The following EGFLAM variants were observed in gnomAD, a reference collection of about 807,000 sequenced individuals.
EGFLAM encodes EGF like, fibronectin type III and laminin G domains.
A neutral mutation model predicts 113.1 loss-of-function variants in EGFLAM; 79 were observed. That is an observed-to-expected ratio of 0.70 (90% confidence interval 0.58 to 0.84). EGFLAM has a LOEUF of 0.84. EGFLAM is among the 40% of genes least tolerant of loss of function. The pLI is 0.00. For missense variants in EGFLAM, 1,265 were observed against 1,291.6 expected (o/e 0.98, Z 0.32); for synonymous variants, 504 against 487.6 (o/e 1.03, Z -0.44).
In EGFLAM at chr5:38,438,406, C is replaced by T. The variant is rs759065244; in HGVS notation, c.2415C>T (p.Gly805=). 15 of 1,613,866 alleles carry T rather than the reference C, an allele frequency of 9.3e-6. No homozygotes were observed. Among genetic ancestry groups the T allele is most frequent in the Non-Finnish European group, 1.3e-5 (15 of 1,179,888 alleles). ...HGGSCRPRKE[G]YDCDCPLGFE... ...GCAGCTGCCGGCCCAGGAAGGAGGG[C>T]TATGACTGTGACTGCCCCTTGGGCT... Residue 805 remains glycine (G), a synonymous_variant, in exon 17 of 22, where the codon GGC becomes GGT. Transcript: ENST00000322350.
chr5:38,456,676 T>G (rs1743097978), intron 19 of EGFLAM, among the ~76,000 whole-genome samples: 1 of 152,244 alleles, frequency 6.6e-6, no homozygotes, highest in African/African-American at 2.4e-5. Flanking sequence ...TATGGTGCTT[T>G]CTCTGGAGAA....
chr5:38,375,985 G>C (rs894144828), intron 6 of EGFLAM, among the ~76,000 whole-genome samples: 1 of 152,136 alleles, frequency 6.6e-6, no homozygotes, highest in African/African-American at 2.4e-5. Context: ...ATCAGCACCT[G>C]TTTTGTTTCC....
At chr5:38,356,316 T>A (rs576150093) in intron 5 of EGFLAM, among the ~76,000 whole-genome samples, 3 of 152,336 alleles carry the variant, frequency 2.0e-5, no homozygotes, top group South Asian at 2.1e-4. Flanking sequence ...TCAGAACCCC[T>A]ATTTCCTCTT....
At chr5:38,366,116 C>T (rs1740052711) in intron 5 of EGFLAM, among the ~76,000 whole-genome samples, 1 of 152,156 alleles carries the variant, frequency 6.6e-6, no homozygotes, top group African/African-American at 2.4e-5. Flanking sequence ...CCACCCTATC[C>T]TCACTAAGTT....
intron 3 of EGFLAM, among the ~76,000 whole-genome samples, chr5:38,344,124 A>C (rs1739415287): frequency 6.6e-6 from 1 of 152,266 alleles, no homozygotes; most frequent in Non-Finnish European, 1.5e-5. Context: ...GTCTGAAATC[A>C]GAGTCAGAGA....
chr5:38,298,102 G>A (rs10054011), intron 1 of EGFLAM, among the ~76,000 whole-genome samples: 6,115 of 152,230 alleles, frequency 0.04, 426 homozygotes, highest in African/African-American at 0.14. Flanking sequence ...GCTTGACAAC[G>A]TAGATAAGAG....
chr5:38,463,684 G>A, intron 21 of EGFLAM, 148 bp from the exon 22 acceptor site: 1 of 849,268 alleles, frequency 1.2e-6, no homozygotes, highest in Non-Finnish European at 1.8e-6. Flanking sequence ...GTACTGAGCA[G>A]CTCAAGGGGC....
intron 20 of EGFLAM, chr5:38,461,438 G>T (rs879417892): frequency 2.6e-5 from 4 of 151,930 alleles, no homozygotes; most frequent in Non-Finnish European, 4.4e-5. Flanking sequence ...CTTCATTTTA[G>T]ATATAAAAAA....
chr5:38,427,916 T>A (rs922195002), intron 14 of EGFLAM, among the ~76,000 whole-genome samples: 1 of 152,238 alleles, frequency 6.6e-6, no homozygotes, highest in Non-Finnish European at 1.5e-5. Context: ...CCTACTGTTA[T>A]CTAGTTTGTA....
intron 11 of EGFLAM, among the ~76,000 whole-genome samples, chr5:38,417,246 G>C (rs145968855): frequency 0.018 from 2,750 of 151,456 alleles, 70 homozygotes; most frequent in Admixed American, 0.072. Flanking sequence ...TACTCAGGAG[G>C]CTGAGACAGG....
At chr5:38,442,901 G>A (rs186531540) in intron 17 of EGFLAM, among the ~76,000 whole-genome samples, 72 of 152,304 alleles carry the variant, frequency 4.7e-4, no homozygotes, top group African/African-American at 1.7e-3. Context: ...AGTAATGTCT[G>A]CAAAGACAAA....
chr5:38,350,349 G>A, intron 3 of EGFLAM, 152 bp from the exon 4 acceptor site: 1 of 712,446 alleles, frequency 1.4e-6, no homozygotes, highest in Non-Finnish European at 2.3e-6. Flanking sequence ...TCTTGGCAAA[G>A]TTTAAAACTG....
At chr5:38,328,610 T>C (rs1265733630) in intron 1 of EGFLAM, among the ~76,000 whole-genome samples, 2 of 152,176 alleles carry the variant, frequency 1.3e-5, no homozygotes, top group Admixed American at 6.5e-5. Context: ...TTACTCTCGT[T>C]TTAATATTTT....
chr5:38,459,379 C>T (rs1348852721), intron 20 of EGFLAM, among the ~76,000 whole-genome samples: 2 of 152,100 alleles, frequency 1.3e-5, no homozygotes, highest in Non-Finnish European at 2.9e-5. Flanking sequence ...TACATATCTC[C>T]CCCATCACAG....
intron 10 of EGFLAM, among the ~76,000 whole-genome samples, chr5:38,411,483 CTT>C (rs759299989): frequency 0.19 from 21,297 of 112,964 alleles, 1,411 homozygotes; most frequent in African/African-American, 0.32. Context: ...TCATTAATTT[CTT>C]TTTTTTTTTT....
intron 1 of EGFLAM, among the ~76,000 whole-genome samples, chr5:38,260,428 C>T (rs1363368088): frequency 6.6e-6 from 1 of 152,100 alleles, no homozygotes; most frequent in Non-Finnish European, 1.5e-5. Flanking sequence ...TTGTATAAAA[C>T]TGCTCATGTG....
intron 5 of EGFLAM, among the ~76,000 whole-genome samples, chr5:38,366,604 A>G (rs1222430006): frequency 2.6e-5 from 4 of 152,314 alleles, no homozygotes; most frequent in Non-Finnish European, 5.9e-5. Flanking sequence ...TCAAAACACC[A>G]CAAGAAAGAA....
chr5:38,434,205 C>G (rs552398061), intron 15 of EGFLAM, among the ~76,000 whole-genome samples: 201 of 152,350 alleles, frequency 1.3e-3, no homozygotes, highest in African/African-American at 3.9e-3. Flanking sequence ...GCCCCAACGT[C>G]TTCCAGTTTC....
intron 1 of EGFLAM, among the ~76,000 whole-genome samples, chr5:38,292,592 A>T (rs1276232490): frequency 6.6e-6 from 1 of 152,222 alleles, no homozygotes; most frequent in Non-Finnish European, 1.5e-5. Flanking sequence ...CTGTATCAAA[A>T]TTGCACAACT....
Sources: allele counts gnomAD v4.1 joint callset (sites outside exome capture counted in the v4.1 genomes callset), GRCh38; gene constraint gnomAD v4.1.1; transcripts MANE v1.5; gene names NCBI Gene and HGNC (gene_info 2026-07-23, HGNC 2026-07-21).